FMN2: variants seen among roughly 807,000 people sequenced by gnomAD.
The protein encoded by FMN2 is formin 2.
A neutral mutation model predicts 142.3 loss-of-function variants in FMN2; 51 were observed. The observed-to-expected ratio is 0.36, with a 90% CI of 0.29 to 0.45. FMN2 has a LOEUF of 0.45. FMN2 is among the 20% of genes least tolerant of loss of function. The pLI is 1.00. For synonymous variants in FMN2, 882 were observed against 869.8 expected, an observed-to-expected ratio of 1.01 and a Z score of -0.25; for missense variants, 1,936 against 2,122.8, an observed-to-expected ratio of 0.91 and a Z score of 1.73.
intron 14 of FMN2, among the ~76,000 whole-genome samples, chr1:240,386,202 A>G (rs1558465075): frequency 6.6e-6 from 1 of 152,072 alleles, no homozygotes; most frequent in Non-Finnish European, 1.5e-5. Context: ...AAAAATCTCA[A>G]AACTAAGGCA....
chr1:240,434,713 A>C (rs185979056), intron 15 of FMN2, among the ~76,000 whole-genome samples: 3,398 of 144,234 alleles, frequency 0.024, 117 homozygotes, highest in African/African-American at 0.082. Flanking sequence ...AGGCACCCAC[A>C]ACCACACCCT....
intron 14 of FMN2, among the ~76,000 whole-genome samples, chr1:240,387,245 T>A (rs960189754): frequency 2.6e-5 from 4 of 152,242 alleles, no homozygotes; most frequent in Admixed American, 6.5e-5. Context: ...CGCTACTACT[T>A]CTATTTTCAG....
At chr1:240,173,438 G>T (rs1664791376) in intron 2 of FMN2, among the ~76,000 whole-genome samples, 1 of 152,196 alleles carries the variant, frequency 6.6e-6, no homozygotes, top group Non-Finnish European at 1.5e-5. Flanking sequence ...TGCTGAGTTA[G>T]CTGTCCCATT....
intron 1 of FMN2, among the ~76,000 whole-genome samples, chr1:240,100,421 T>C (rs1449057920): frequency 2.0e-5 from 3 of 152,212 alleles, no homozygotes; most frequent in African/African-American, 7.2e-5. Context: ...TGTGACTTGA[T>C]AGTTATTAGA....
intron 14 of FMN2, among the ~76,000 whole-genome samples, chr1:240,364,882 C>T (rs564706275): frequency 2.0e-5 from 3 of 152,196 alleles, no homozygotes; most frequent in Non-Finnish European, 4.4e-5. Flanking sequence ...TCTTCTGCTC[C>T]GCTTGTGTTC....
chr1:240,222,578 T>G (rs1031909788), intron 6 of FMN2, among the ~76,000 whole-genome samples: 2 of 152,190 alleles, frequency 1.3e-5, no homozygotes, highest in Non-Finnish European at 2.9e-5. Flanking sequence ...TAAATTACTT[T>G]GTGCACTATG....
chr1:240,455,966 C>A (rs1676228595), intron 16 of FMN2, among the ~76,000 whole-genome samples: 3 of 143,520 alleles, frequency 2.1e-5, no homozygotes, highest in South Asian at 4.5e-4. Flanking sequence ...CGGAGCGAGA[C>A]TGTCTCAAAA....
intron 2 of FMN2, among the ~76,000 whole-genome samples, chr1:240,160,559 G>A (rs1052034714): frequency 2.6e-5 from 4 of 151,296 alleles, no homozygotes; most frequent in Admixed American, 6.6e-5. Context: ...TTGATAAACT[G>A]TATCACCATT....
intron 15 of FMN2, among the ~76,000 whole-genome samples, chr1:240,396,694 G>C (rs1407964932): frequency 1.3e-5 from 2 of 152,170 alleles, no homozygotes; most frequent in African/African-American, 4.8e-5. Context: ...TTATAAGTGA[G>C]AATAGGCAGT....
chr1:240,182,393 A>T (rs958695032), intron 3 of FMN2, among the ~76,000 whole-genome samples: 2 of 152,206 alleles, frequency 1.3e-5, no homozygotes, highest in Non-Finnish European at 2.9e-5. Flanking sequence ...AAGGCACAGA[A>T]AATCCTAGAA....
At position 240,208,279 on chromosome 1, in the gene FMN2, C is replaced by G; in HGVS notation, c.3467C>G (p.Pro1156Arg). ...LPRVGIPPPP[P>R]LPGAGIPPPP... is the part of the protein sequence containing the mutation. ...AGAGTGGGCATACCCCCTCCGCCCC[C>G]ACTTCCCGGAGCGGGCATACCCCCA... Residue 1156 changes from proline (P) to arginine (R), a missense_variant, in exon 5 of 18, where the codon CCA becomes CGA. Pro to Arg is a moderately radical substitution (Grantham distance 103). Around this residue, in one of 8 missense-constraint regions of FMN2, gnomAD observed 56 missense variants for 111.8 expected, o/e 0.50. Transcript: ENST00000319653. 2.2e-6 allele frequency: 1 copy of G among 458,388 alleles called. No homozygotes were observed. Among genetic ancestry groups the G allele is most frequent in the Non-Finnish European group, 3.6e-6 (1 of 275,166 alleles). The allele number at this position is 458,388 out of a possible 1,614,324, so 28.4% of individuals were successfully genotyped here. A position where few individuals can be genotyped will look rare whatever the true frequency, so the allele number is the denominator to read the frequency against.
intron 4 of FMN2, 106 bp downstream of exon 4, chr1:240,188,368 C>A: frequency 9.2e-7 from 1 of 1,090,978 alleles, no homozygotes; most frequent in East Asian, 2.5e-5. Flanking sequence ...GGCTAGGATG[C>A]CCTTGTTTTC....
At chr1:240,223,601 A>T in intron 6 of FMN2, among the ~76,000 whole-genome samples, 1 of 152,140 alleles carries the variant, frequency 6.6e-6, no homozygotes, top group South Asian at 2.1e-4. Flanking sequence ...TCGGCTGTGA[A>T]TCTGTCTAGT....
At chr1:240,376,089 G>A (rs531067113) in intron 14 of FMN2, among the ~76,000 whole-genome samples, 2 of 151,604 alleles carry the variant, frequency 1.3e-5, no homozygotes, top group South Asian at 2.1e-4. Flanking sequence ...TTTTTTCCTG[G>A]TACTATATCT....
Position 240,322,598 on chromosome 1 carries a change from G to A in FMN2, c.4216-6478G>A, listed in dbSNP as rs569240190. ...CAAAAATAAATAAAATTACAGTGGC[G>A]GTATGCTAGAGAGGAAAAGTAGTTG... On this transcript the variant is annotated intron_variant, in intron 8 of 17. Transcript: ENST00000319653. 7.9e-5 allele frequency among the ~76,000 whole-genome samples: 12 copies of A among 152,250 alleles called. 1 individual carries two copies. The South Asian group carries it at 1.5e-3, about 18-fold the overall frequency.
chr1:240,329,258 T>C, intron 9 of FMN2, 81 bp from the exon 10 acceptor site: 2 of 1,597,504 alleles, frequency 1.3e-6, no homozygotes, highest in Middle Eastern at 1.7e-4. Context: ...CTTCAGTGCA[T>C]ACTTGTTGTG....
At chr1:240,132,563 C>A (rs1377766199) in intron 2 of FMN2, among the ~76,000 whole-genome samples, 2 of 152,014 alleles carry the variant, frequency 1.3e-5, no homozygotes, top group Non-Finnish European at 2.9e-5. Flanking sequence ...GACTTAATGT[C>A]CCATAGAATG....
intron 15 of FMN2, among the ~76,000 whole-genome samples, chr1:240,412,771 T>C (rs1674441348): frequency 6.6e-6 from 1 of 152,048 alleles, no homozygotes; most frequent in African/African-American, 2.4e-5. Context: ...ATGCAATGCT[T>C]CCGGAGAAGA....
intron 6 of FMN2, among the ~76,000 whole-genome samples, chr1:240,242,772 T>C (rs1272880623): frequency 6.6e-6 from 1 of 152,180 alleles, no homozygotes; most frequent in East Asian, 1.9e-4. Context: ...CACTATAGCT[T>C]GATCCTCTGC....
Sources: allele counts gnomAD v4.1 joint callset (sites outside exome capture counted in the v4.1 genomes callset), GRCh38; gene constraint gnomAD v4.1.1; regional missense constraint gnomAD v4.1.1; transcripts MANE v1.5; gene names NCBI Gene and HGNC (gene_info 2026-07-23, HGNC 2026-07-21).